Variants in MEGF10 observed in about 807,000 individuals in gnomAD.
The protein encoded by MEGF10 is multiple epidermal growth factor-like domains protein 10.
Under a neutral mutation model 147.5 loss-of-function variants are expected in MEGF10, and 86 were observed. That is an observed-to-expected ratio of 0.58 (90% confidence interval 0.49 to 0.70). MEGF10 has a LOEUF of 0.70. MEGF10 is among the 30% of genes least tolerant of loss of function. MEGF10 has a pLI of 0.00. For missense variants in MEGF10, 1,329 were observed against 1,487.3 expected, an observed-to-expected ratio of 0.89 and a Z score of 1.75; for synonymous variants, 478 against 525.5, an observed-to-expected ratio of 0.91 and a Z score of 1.24.
intron 9 of MEGF10, among the ~76,000 whole-genome samples, chr5:127,416,859 T>G (rs1561633455): frequency 6.6e-6 from 1 of 152,150 alleles, no homozygotes; most frequent in African/African-American, 2.4e-5. Flanking sequence ...GAGTAGAAAA[T>G]CTATGAACAG....
chr5:127,254,832 G>A, the MEGF10 span, among the ~76,000 whole-genome samples: 1 of 151,370 alleles, frequency 6.6e-6, no homozygotes, highest in Non-Finnish European at 1.5e-5. Context: ...AAGTTGCTTT[G>A]TTATTGATAT....
At chr5:127,279,854 G>A in the MEGF10 span, among the ~76,000 whole-genome samples, 733 of 152,268 alleles carry the variant, frequency 4.8e-3, 6 homozygotes, top group Non-Finnish European at 6.4e-3. Flanking sequence ...GCAGGATGGT[G>A]TTATAGACAA....
chr5:127,245,581 T>G, the MEGF10 span, among the ~76,000 whole-genome samples: 22 of 152,118 alleles, frequency 1.4e-4, no homozygotes, highest in Admixed American at 5.2e-4. Context: ...CCAAACGCAA[T>G]GGCAACAAAA....
At chr5:127,430,049 G>A (rs760171862) in intron 13 of MEGF10, among the ~76,000 whole-genome samples, 23 of 152,056 alleles carry the variant, frequency 1.5e-4, no homozygotes, top group Non-Finnish European at 1.9e-4. Flanking sequence ...ACTTCTTTGG[G>A]CCTCTGAGCC....
chr5:127,305,705 C>T (rs1759983200), intron 1 of MEGF10, among the ~76,000 whole-genome samples: 1 of 152,100 alleles, frequency 6.6e-6, no homozygotes, highest in African/African-American at 2.4e-5. Context: ...GCTTTCCTTC[C>T]AAGGCAGTAT....
intron 1 of MEGF10, among the ~76,000 whole-genome samples, chr5:127,306,717 C>T (rs1760029044): frequency 6.6e-6 from 1 of 152,190 alleles, no homozygotes; most frequent in South Asian, 2.1e-4. Context: ...TGTTGAAGGC[C>T]CAATGGGGAA....
chr5:127,405,157 G>C (rs1330060307), intron 8 of MEGF10, among the ~76,000 whole-genome samples: 1 of 152,136 alleles, frequency 6.6e-6, no homozygotes, highest in Non-Finnish European at 1.5e-5. Flanking sequence ...AAATACTAGT[G>C]ATTATCAGTT....
chr5:127,428,425 G>A (rs943177650), intron 13 of MEGF10, among the ~76,000 whole-genome samples: 3 of 152,022 alleles, frequency 2.0e-5, no homozygotes, highest in Admixed American at 6.5e-5. Context: ...CAGGACAGTC[G>A]CTCTATCAGC....
chr5:127,434,735 A>T lies in MEGF10; in HGVS notation c.1889A>T (p.Gln630Leu). The stretch of plus-strand genomic sequence containing the variant: ...CATCGCTGCAGCCAGACATGCCCAC[A>T]GTGCGTTCACAGCAGCGGGCCCTGC... Reference protein sequence around the residue: ...YGHRCSQTCPQCVHSSGPCHH... With the variant: ...YGHRCSQTCPLCVHSSGPCHH... The change falls in exon 15 of 25, where the codon CAG becomes CTG. Residue 630 changes from glutamine to leucine, a missense_variant. Gln to Leu is a moderately radical substitution (Grantham distance 113). Around this residue, in one of 3 missense-constraint regions of MEGF10, gnomAD observed 980 missense variants for 1,085.9 expected, o/e 0.90. Coordinates refer to ENST00000503335, the MANE Select transcript of MEGF10 (RefSeq NM_001256545.2). The T allele has an allele frequency of 6.2e-7, 1 of 1,614,006 alleles. No homozygotes were observed. Among genetic ancestry groups the T allele is most frequent in the South Asian group, 1.1e-5 (1 of 91,074 alleles).
chr5:127,334,310 C>G (rs1031026244), intron 2 of MEGF10, among the ~76,000 whole-genome samples: 2 of 152,096 alleles, frequency 1.3e-5, no homozygotes, highest in Middle Eastern at 3.2e-3. Context: ...GAGGTTACTT[C>G]TCAGACTGTG....
At chr5:127,404,815 A>G (rs943382659) in intron 8 of MEGF10, among the ~76,000 whole-genome samples, 7 of 151,932 alleles carry the variant, frequency 4.6e-5, no homozygotes, top group African/African-American at 1.7e-4. Flanking sequence ...TCCCAGGTTC[A>G]AGCAATTCTT....
At chr5:127,283,775 A>G in the MEGF10 span, among the ~76,000 whole-genome samples, 1 of 152,200 alleles carries the variant, frequency 6.6e-6, no homozygotes, top group African/African-American at 2.4e-5. Flanking sequence ...ATGAGAGGGC[A>G]TTACATATGG....
chr5:127,339,095 T>C (rs571778512), intron 2 of MEGF10, 25 bp from the exon 3 acceptor site: 1 of 1,457,338 alleles, frequency 6.9e-7, no homozygotes, highest in Admixed American at 1.8e-5. Flanking sequence ...AAATACTGAT[T>C]TCTTATTTTT....
At position 127,422,792 on chromosome 5, in the gene MEGF10, A is replaced by G; in HGVS notation, c.1693+20A>G. ...GGTCAGGTGAGAGCCAAGGACCGCT[A>G]ATTGAAAGGTGAAACCCGCCAATTT... is the stretch of plus-strand genomic sequence containing the variant. On this transcript the variant is annotated intron_variant, in intron 13 of 24. Coordinates refer to ENST00000503335, the MANE Select transcript of MEGF10 (RefSeq NM_001256545.2). 6.3e-7 allele frequency: 1 copy of G among 1,596,388 alleles called. No individual in the cohort carries two copies. The highest frequency in any genetic ancestry group is 8.6e-7 in the Non-Finnish European group (1 of 1,165,424).
the MEGF10 span, among the ~76,000 whole-genome samples, chr5:127,266,570 A>G: frequency 6.6e-6 from 1 of 152,284 alleles, no homozygotes; most frequent in East Asian, 1.9e-4. Context: ...ATGTTCTTCC[A>G]TTTGTTTGTA....
the MEGF10 span, among the ~76,000 whole-genome samples, chr5:127,271,849 C>T: frequency 1.3e-5 from 2 of 152,180 alleles, no homozygotes; most frequent in East Asian, 3.9e-4. Context: ...TATCCAGTCT[C>T]AGGTATTTCT....
At chr5:127,287,631 C>T (rs1398384251), upstream of MEGF10, among the ~76,000 whole-genome samples, 5 of 151,812 alleles carry the variant, frequency 3.3e-5, no homozygotes, top group Admixed American at 6.6e-5. Flanking sequence ...TTAGAGGAAT[C>T]GATATTTTTA....
intron 4 of MEGF10, among the ~76,000 whole-genome samples, chr5:127,361,326 T>C (rs1451973851): frequency 6.6e-6 from 1 of 151,950 alleles, no homozygotes; most frequent in Non-Finnish European, 1.5e-5. Context: ...AAGTTTTTAT[T>C]AACATTTACC....
At chr5:127,332,711 G>T (rs1218120329) in intron 2 of MEGF10, among the ~76,000 whole-genome samples, 1 of 152,126 alleles carries the variant, frequency 6.6e-6, no homozygotes, top group Non-Finnish European at 1.5e-5. Flanking sequence ...TTAAGCAGAA[G>T]GACTTCCTAT....
Sources: allele counts gnomAD v4.1 joint callset (sites outside exome capture counted in the v4.1 genomes callset), GRCh38; gene constraint gnomAD v4.1.1; regional missense constraint gnomAD v4.1.1; transcripts MANE v1.5; gene names NCBI Gene and HGNC (gene_info 2026-07-23, HGNC 2026-07-21).